The following TGFBR3 variants were observed in gnomAD, a reference collection of about 807,000 sequenced individuals.
TGFBR3 encodes the protein transforming growth factor beta receptor 3.
A neutral mutation model predicts 87.9 loss-of-function variants in TGFBR3; 46 were observed. The observed-to-expected ratio is 0.52, with a 90% CI of 0.41 to 0.67. The LOEUF (loss-of-function observed/expected upper bound fraction) is 0.67, where lower values mean the gene tolerates loss of function less well. Ranked by LOEUF, TGFBR3 falls within the 30% of genes least tolerant of loss-of-function variation. TGFBR3 has a pLI of 0.00. For missense variants in TGFBR3, 866 were observed against 1,041.9 expected (o/e 0.83, Z 2.32); for synonymous variants, 381 against 391.6 (o/e 0.97, Z 0.32).
In TGFBR3 at chr1:91,904,139, G is replaced by A. The variant is rs556425115; in HGVS notation, c.-175+1687C>T. 2.0e-4 allele frequency among the ~76,000 whole-genome samples: 30 copies of A among 152,270 alleles called. No homozygotes were observed. In the South Asian group the frequency reaches 2.7e-3, roughly 14 times the overall value. ...GCAGAGGCTGCAGTGAGCCGAGATC[G>A]TGCCACTGCACTCCAACCTGGGCAA... is the stretch of plus-strand genomic sequence containing the variant. On this transcript the variant is annotated intron_variant, in intron 1 of 17. Coordinates refer to the TGFBR3 transcript ENST00000370399.
chr1:91,762,971 T>C (rs985274513), intron 3 of TGFBR3, among the ~76,000 whole-genome samples: 1 of 152,200 alleles, frequency 6.6e-6, no homozygotes, highest in African/African-American at 2.4e-5. Flanking sequence ...TTTGCTCACA[T>C]TATCAGCAGA....
upstream of TGFBR3, among the ~76,000 whole-genome samples, chr1:91,890,777 G>C (rs1679426829): frequency 1.3e-5 from 2 of 152,062 alleles, no homozygotes; most frequent in African/African-American, 4.8e-5. Flanking sequence ...ACTTGCCCAA[G>C]GTCACACAAC....
intron 2 of TGFBR3, among the ~76,000 whole-genome samples, chr1:91,811,101 A>C (rs1243236631): frequency 6.6e-6 from 1 of 152,212 alleles, no homozygotes; most frequent in African/African-American, 2.4e-5. Flanking sequence ...GTTTGAGCCC[A>C]TAAGTTTGAG....
intron 1 of TGFBR3, among the ~76,000 whole-genome samples, chr1:91,901,955 AC>A (rs1451501607): frequency 2.7e-5 from 4 of 150,088 alleles, no homozygotes; most frequent in African/African-American, 9.8e-5. Flanking sequence ...AAAAAAAAAA[AC>A]GGTATGTGTT....
intron 3 of TGFBR3, among the ~76,000 whole-genome samples, chr1:91,759,120 A>C (rs1673858769): frequency 6.6e-6 from 1 of 152,178 alleles, no homozygotes; most frequent in Non-Finnish European, 1.5e-5. Flanking sequence ...ACTAAGGTGA[A>C]ACTTGGAAAA....
At chr1:91,839,145 T>C (rs1221628673) in intron 2 of TGFBR3, among the ~76,000 whole-genome samples, 1 of 152,080 alleles carries the variant, frequency 6.6e-6, no homozygotes, top group East Asian at 1.9e-4. Flanking sequence ...TCCTGGCTAA[T>C]GTTTTAGTTT....
At chr1:91,745,751 CAT>C (rs1222245564) in intron 4 of TGFBR3, among the ~76,000 whole-genome samples, 2 of 152,204 alleles carry the variant, frequency 1.3e-5, no homozygotes, top group Non-Finnish European at 2.9e-5. Context: ...TTTCTATTAA[CAT>C]ATATCATGAC....
upstream of TGFBR3, among the ~76,000 whole-genome samples, chr1:91,890,406 A>T (rs1679418368): frequency 2.3e-5 from 2 of 85,128 alleles, no homozygotes; most frequent in Non-Finnish European, 2.6e-5. Context: ...GTTTCTCTAT[A>T]ATCTTTTTTT....
chr1:91,681,379 A>G lies in TGFBR3; in HGVS notation c.*2360T>C. On this transcript the variant is annotated 3_prime_UTR_variant, in exon 17 of 17. Transcript: ENST00000212355. Reference sequence around the variant, plus strand: ...TTCTGACAATGAGACCCAAACAAATAAAAGGTGATTTTTTTCCTCTCTCTC... The same window carrying G: ...TTCTGACAATGAGACCCAAACAAATGAAAGGTGATTTTTTTCCTCTCTCTC... 2.4e-6 allele frequency: 1 copy of G among 412,270 alleles called. No individual in the cohort carries two copies. Among genetic ancestry groups the G allele is most frequent in the Non-Finnish European group, 4.7e-6 (1 of 212,184 alleles). 25.5% of individuals were successfully genotyped at this position (412,270 alleles called of 1,614,324 possible).
intron 5 of TGFBR3, among the ~76,000 whole-genome samples, chr1:91,732,584 A>G (rs1227224738): frequency 6.6e-6 from 1 of 152,200 alleles, no homozygotes; most frequent in Admixed American, 6.5e-5. Context: ...AAGCTTGCTC[A>G]GTGCAGTCTG....
intron 2 of TGFBR3, among the ~76,000 whole-genome samples, chr1:91,836,649 A>C (rs1677079724): frequency 6.6e-6 from 1 of 151,984 alleles, no homozygotes; most frequent in Non-Finnish European, 1.5e-5. Context: ...TTTATATATA[A>C]TTATATATTT....
At chr1:91,685,602 G>A (rs1346186087) in intron 16 of TGFBR3, among the ~76,000 whole-genome samples, 2 of 152,044 alleles carry the variant, frequency 1.3e-5, no homozygotes, top group African/African-American at 2.4e-5. Context: ...GATTACAGGC[G>A]TGAGCCACCA....
At position 91,729,817 on chromosome 1, in the gene TGFBR3, G is replaced by C. The variant is rs1301662609; in HGVS notation, c.725C>G (p.Ser242Cys). 2 of 1,614,062 alleles carry C rather than the reference G, an allele frequency of 1.2e-6. No individual in the cohort carries two copies. Among genetic ancestry groups the C allele is most frequent in the African/African-American group, 2.7e-5 (2 of 74,932 alleles). The change falls in exon 6 of 17, where the codon TCT (serine) becomes TGT (cysteine). Residue 242 changes from serine (S) to cysteine (C), a missense_variant. Coordinates refer to ENST00000212355, the MANE Select transcript of TGFBR3 (RefSeq NM_003243.5). ...VHIIELITPNSNPYSAFQVDI... is the reference protein window; with the variant it reads ...VHIIELITPNCNPYSAFQVDI... Reference sequence around the variant, plus strand: ...TAGACTCACTTACCTGTAGGGGTTAGAGTTGGGGGTGATTAGCTCGATGAT... The same window carrying C: ...TAGACTCACTTACCTGTAGGGGTTACAGTTGGGGGTGATTAGCTCGATGAT...
intron 1 of TGFBR3, chr1:91,863,879 A>G (rs1053312720): frequency 3.3e-5 from 5 of 152,190 alleles, no homozygotes; most frequent in African/African-American, 1.2e-4. Context: ...ATCAACTCTG[A>G]TCATATGGAA....
At chr1:91,805,254 C>T (rs979770137) in intron 2 of TGFBR3, among the ~76,000 whole-genome samples, 1 of 152,116 alleles carries the variant, frequency 6.6e-6, no homozygotes, top group African/African-American at 2.4e-5. Context: ...TGGTATGTGA[C>T]GAGTACAAGA....
intron 2 of TGFBR3, among the ~76,000 whole-genome samples, chr1:91,831,574 G>A (rs1045738798): frequency 6.6e-6 from 1 of 152,204 alleles, no homozygotes; most frequent in African/African-American, 2.4e-5. Flanking sequence ...GCAGATTTGG[G>A]TCAAACACGC....
At chr1:91,856,833 A>G (rs1348970218) in intron 2 of TGFBR3, among the ~76,000 whole-genome samples, 1 of 152,162 alleles carries the variant, frequency 6.6e-6, no homozygotes, top group East Asian at 1.9e-4. Flanking sequence ...TCAATCAAGA[A>G]GAGGTTTATT....
chr1:91,861,472 T>G lies in TGFBR3; in HGVS notation c.60A>C (p.Ala20=). 1.9e-6 allele frequency: 3 copies of G among 1,609,160 alleles called. No individual in the cohort carries two copies. The highest frequency in any genetic ancestry group is 2.6e-6 in the Non-Finnish European group (3 of 1,175,550). Residue 20 remains alanine (A), a splice_region_variant and synonymous_variant, in exon 2 of 17, where the codon GCA becomes GCC. Coordinates refer to ENST00000212355, the MANE Select transcript of TGFBR3 (RefSeq NM_003243.5). ...TGCAATTTATATTATGCAACTTACC[T>G]GCAGTGGCTAAACAGGAGCTCATCA... ...FALMSSCLAT[A]GPEPGALCEL...
chr1:91,841,964 G>T (rs1330576439), intron 2 of TGFBR3, among the ~76,000 whole-genome samples: 1 of 151,856 alleles, frequency 6.6e-6, no homozygotes, highest in Non-Finnish European at 1.5e-5. Context: ...AGCCAAGCAT[G>T]GTGGTGTGCA....
Sources: allele counts gnomAD v4.1 joint callset (sites outside exome capture counted in the v4.1 genomes callset), GRCh38; gene constraint gnomAD v4.1.1; transcripts MANE v1.5; gene names NCBI Gene and HGNC (gene_info 2026-07-23, HGNC 2026-07-21).